CORIN: variants seen among roughly 807,000 people sequenced by gnomAD.
CORIN encodes the protein atrial natriuretic peptide-converting enzyme.
In CORIN, 117 loss-of-function variants were observed where a neutral mutation model predicts 125.3. That is an observed-to-expected ratio of 0.93 (90% CI 0.80 to 1.09). The LOEUF is 1.09. Ranked by LOEUF, CORIN falls within the 50% of genes least tolerant of loss-of-function variation. CORIN has a pLI of 0.00. For missense variants in CORIN, 1,253 were observed against 1,306.7 expected (o/e 0.96, Z 0.63); for synonymous variants, 450 against 466.4 (o/e 0.96, Z 0.45).
chr4:47,818,127 G>A (rs902114400), intron 1 of CORIN, among the ~76,000 whole-genome samples: 4 of 152,166 alleles, frequency 2.6e-5, no homozygotes, highest in African/African-American at 9.7e-5. Context: ...TTTATCTCAG[G>A]AGGTCAAAAA....
At chr4:47,750,318 A>G (rs1349941898) in intron 4 of CORIN, among the ~76,000 whole-genome samples, 1 of 152,188 alleles carries the variant, frequency 6.6e-6, no homozygotes, top group African/African-American at 2.4e-5. Context: ...CTCCCATCAG[A>G]AGATAAATAA....
At chr4:47,691,388 G>A (rs1199467472) in intron 6 of CORIN, among the ~76,000 whole-genome samples, 1 of 152,142 alleles carries the variant, frequency 6.6e-6, no homozygotes, top group Non-Finnish European at 1.5e-5. Flanking sequence ...ACACTTCCCA[G>A]TGTAAATACA....
intron 4 of CORIN, among the ~76,000 whole-genome samples, chr4:47,755,680 A>G (rs959004665): frequency 2.6e-5 from 4 of 152,202 alleles, no homozygotes; most frequent in Non-Finnish European, 5.9e-5. Context: ...TCTGCCAACC[A>G]GATCATCAGT....
chr4:47,630,755 G>C (rs555586428), intron 16 of CORIN, among the ~76,000 whole-genome samples: 1 of 152,330 alleles, frequency 6.6e-6, no homozygotes, highest in African/African-American at 2.4e-5. Flanking sequence ...CCTGAGAACA[G>C]TGGGTTTCAA....
chr4:47,829,031 G>A (rs1732858617), intron 1 of CORIN, among the ~76,000 whole-genome samples: 1 of 151,694 alleles, frequency 6.6e-6, no homozygotes, highest in Non-Finnish European at 1.5e-5. Context: ...GGTGGTGGGC[G>A]CCTGTAGTCC....
rs16860607 is a variant in CORIN, at chr4:47,696,657, G to C, written c.800-3574C>G. ...GCTAGTTTACATGTCCAGATGATGG[G>C]GACAATTATGGATCCCCTGGACTTC... On this transcript the variant is annotated intron_variant, in intron 5 of 21. Transcript: ENST00000273857. 7.8e-3 allele frequency among the ~76,000 whole-genome samples: 1,188 copies of C among 152,232 alleles called. 12 individuals are homozygous for C. Among genetic ancestry groups the C allele is most frequent in the African/African-American group, 0.027 (1,130 of 41,548 alleles).
At chr4:47,722,407 T>C (rs949500209) in intron 5 of CORIN, among the ~76,000 whole-genome samples, 17 of 152,192 alleles carry the variant, frequency 1.1e-4, no homozygotes, top group Non-Finnish European at 1.0e-4. Context: ...GCAATGTTCC[T>C]TTTTTTCATC....
At chr4:47,724,535 A>G (rs1210966780) in intron 5 of CORIN, among the ~76,000 whole-genome samples, 1 of 152,182 alleles carries the variant, frequency 6.6e-6, no homozygotes, top group Non-Finnish European at 1.5e-5. Context: ...TCAAGAACCT[A>G]AATCTTTGGA....
chr4:47,804,933 G>A (rs1398698200), intron 2 of CORIN, among the ~76,000 whole-genome samples: 4 of 151,434 alleles, frequency 2.6e-5, no homozygotes, highest in East Asian at 1.9e-4. Flanking sequence ...TCAGGAGATC[G>A]AGACCATCCT....
At chr4:47,706,428 G>A in intron 5 of CORIN, 4 of 1,609,742 alleles carry the variant, frequency 2.5e-6, no homozygotes, top group South Asian at 2.2e-5. Context: ...CTGATGTCAC[G>A]CGCTTTCTTC....
At chr4:47,641,056 T>C (rs1270735732) in intron 16 of CORIN, among the ~76,000 whole-genome samples, 2 of 152,108 alleles carry the variant, frequency 1.3e-5, no homozygotes, top group African/African-American at 4.8e-5. Context: ...ATGGGAGAAA[T>C]GGACTCAAGA....
chr4:47,757,010 T>C, intron 4 of CORIN, among the ~76,000 whole-genome samples: 1 of 152,356 alleles, frequency 6.6e-6, no homozygotes, highest in Middle Eastern at 3.4e-3. Flanking sequence ...ACACATACCA[T>C]TATAATATTT....
At chr4:47,671,670 C>T (rs987237394) in intron 10 of CORIN, among the ~76,000 whole-genome samples, 3 of 152,158 alleles carry the variant, frequency 2.0e-5, no homozygotes, top group Admixed American at 2.0e-4. Flanking sequence ...CTGCAACCTC[C>T]ACCTCCTGGA....
chr4:47,675,984 C>T (rs887596381), intron 9 of CORIN, among the ~76,000 whole-genome samples: 13 of 152,160 alleles, frequency 8.5e-5, no homozygotes, highest in African/African-American at 2.9e-4. Flanking sequence ...AGCCAAGAAA[C>T]AGCACATGCA....
intron 5 of CORIN, among the ~76,000 whole-genome samples, chr4:47,719,928 A>G (rs1458083305): frequency 6.6e-6 from 1 of 152,218 alleles, no homozygotes; most frequent in African/African-American, 2.4e-5. Context: ...GTTGCCCACG[A>G]CTTTTGAGTG....
intron 12 of CORIN, among the ~76,000 whole-genome samples, chr4:47,658,318 C>T (rs1180297206): frequency 2.0e-5 from 3 of 152,232 alleles, no homozygotes; most frequent in African/African-American, 7.2e-5. Flanking sequence ...GCTCCTAAGG[C>T]CTTGGGCAGC....
chr4:47,688,246 T>C (rs1725608756), intron 6 of CORIN, among the ~76,000 whole-genome samples: 1 of 152,174 alleles, frequency 6.6e-6, no homozygotes, highest in Non-Finnish European at 1.5e-5. Context: ...CTTTTTTTGT[T>C]TGCTTGTTTA....
At chr4:47,676,917 A>G (rs1336822680) in intron 9 of CORIN, among the ~76,000 whole-genome samples, 2 of 152,208 alleles carry the variant, frequency 1.3e-5, no homozygotes, top group Non-Finnish European at 2.9e-5. Context: ...AAACTGGTAA[A>G]ACAAAGCACT....
At chr4:47,833,475 A>G (rs759354920) in intron 1 of CORIN, among the ~76,000 whole-genome samples, 1 of 150,636 alleles carries the variant, frequency 6.6e-6, no homozygotes, top group Non-Finnish European at 1.5e-5. Context: ...AAATCTTGAC[A>G]TTGATCTCGG....
Sources: gnomAD v4.1 joint callset for allele counts (sites outside exome capture counted in the v4.1 genomes callset) on GRCh38, gnomAD v4.1.1 for gene constraint, MANE v1.5 for transcripts, NCBI Gene and HGNC (gene_info 2026-07-23, HGNC 2026-07-21) for gene names.